Variants in ORC1 observed in about 807,000 individuals in gnomAD.
ORC1 encodes the protein origin recognition complex, subunit 1 homolog.
In ORC1, 61 loss-of-function variants were observed where a neutral mutation model predicts 98.9. The ratio of observed to expected loss-of-function variants is 0.62; its 90% CI spans 0.50 to 0.76. The LOEUF (loss-of-function observed/expected upper bound fraction) is 0.76. ORC1 is among the 30% of genes least tolerant of loss of function. The pLI is 0.00. For synonymous variants in ORC1, 385 were observed against 406.9 expected (o/e 0.95, Z 0.65); for missense variants, 979 against 1,072.2 (o/e 0.91, Z 1.21).
In ORC1 at chr1:52,401,435, T is replaced by C. The variant is rs1432986158; in HGVS notation, c.150A>G (p.Gly50=). Residue 50 remains glycine, a synonymous_variant, in exon 3 of 17, where the codon GGA becomes GGG. Coordinates refer to ENST00000371568, the MANE Select transcript of ORC1 (RefSeq NM_004153.4). ...GCSTEIHIQI[G]QFVLIEGDDD... ...CATCCCCTTCAATCAACACAAACTG[T>C]CCAATCTGGATGTGAATCTCGGTGG... 1.9e-6 allele frequency: 3 copies of C among 1,614,002 alleles called. No individual in the cohort carries two copies. In the East Asian group the frequency reaches 6.7e-5, roughly 36 times the overall value.
intron 11 of ORC1, 28 bp from the exon 12 acceptor site, chr1:52,383,965 G>T: frequency 6.4e-7 from 1 of 1,554,500 alleles, no homozygotes; most frequent in Non-Finnish European, 8.9e-7. Flanking sequence ...CAGTTGTGAG[G>T]AACTGTAAGG....
rs758959309 is a variant in ORC1 at position 52,396,161 on chromosome 1, C to A, written c.606G>T (p.Trp202Cys). 6.2e-7 allele frequency: 1 copy of A among 1,614,116 alleles called. No individual in the cohort carries two copies. Among genetic ancestry groups the A allele is most frequent in the East Asian group, 2.2e-5 (1 of 44,886 alleles). ...TTTTGGCCACATGTTCTGCTGGGGT[C>A]CAAGAAGGGCTCTCTGCACTCTTAC... The part of the protein sequence containing the change: ...AKSKSAESPS[W>C]TPAEHVAKRI... The change falls in exon 5 of 17, where the codon TGG becomes TGT. Residue 202 changes from tryptophan (W) to cysteine (C), a missense_variant. Transcript: ENST00000371568.
At chr1:52,392,529 C>T (rs184183525) in intron 6 of ORC1, among the ~76,000 whole-genome samples, 1 of 152,162 alleles carries the variant, frequency 6.6e-6, no homozygotes, top group Admixed American at 6.5e-5. Flanking sequence ...GTAGATCCAC[C>T]ATTTGATTCA....
Position 52,393,432 on chromosome 1 carries a change from T to G in ORC1, c.1082+11A>C. 6.2e-7 allele frequency: 1 copy of G among 1,614,134 alleles called. No homozygotes were observed. Among genetic ancestry groups the G allele is most frequent in the African/African-American group, 1.3e-5 (1 of 75,056 alleles). On this transcript the variant is annotated intron_variant, in intron 6 of 16. Coordinates refer to ENST00000371568, the MANE Select transcript of ORC1 (RefSeq NM_004153.4). ...ATTTCAATTTGCTCTGTGGGTAATGTCCCTGGTCACCTCTTTTTGATGTTT... is the reference window on the plus strand; with the variant it reads ...ATTTCAATTTGCTCTGTGGGTAATGGCCCTGGTCACCTCTTTTTGATGTTT...
chr1:52,397,679 A>G lies in ORC1; in HGVS notation c.402+6T>C. 2.5e-6 allele frequency: 4 copies of G among 1,613,956 alleles called. No homozygotes were observed. Among genetic ancestry groups the G allele is most frequent in the Admixed American group, 1.7e-5 (1 of 60,020 alleles). On this transcript the variant is annotated splice_donor_region_variant and intron_variant, in intron 4 of 16. Coordinates refer to ENST00000371568, the MANE Select transcript of ORC1 (RefSeq NM_004153.4). ...AGGTAGAACCAAGGATGGTGGCATCACCTACCCGAACAAGGCCAATGATGG... is the reference window on the plus strand; with the variant it reads ...AGGTAGAACCAAGGATGGTGGCATCGCCTACCCGAACAAGGCCAATGATGG...
At chr1:52,378,858 C>T (rs1647027282) in intron 14 of ORC1, among the ~76,000 whole-genome samples, 1 of 151,426 alleles carries the variant, frequency 6.6e-6, no homozygotes, top group African/African-American at 2.4e-5. Context: ...ACAGTGAAAC[C>T]CCGTATCTAC....
chr1:52,392,653 C>A (rs1647244997), intron 6 of ORC1, among the ~76,000 whole-genome samples: 1 of 152,096 alleles, frequency 6.6e-6, no homozygotes, highest in Non-Finnish European at 1.5e-5. Flanking sequence ...AAATATGGAA[C>A]CAGCCTAAAT....
At chr1:52,396,859 A>G (rs1557583690) in intron 4 of ORC1, among the ~76,000 whole-genome samples, 2 of 152,126 alleles carry the variant, frequency 1.3e-5, no homozygotes, top group African/African-American at 2.4e-5. Flanking sequence ...GCAAGACCAA[A>G]TTACTTAAAC....
chr1:52,399,074 G>A (rs188372251), intron 3 of ORC1, among the ~76,000 whole-genome samples: 8 of 152,250 alleles, frequency 5.3e-5, no homozygotes, highest in Non-Finnish European at 7.4e-5. Flanking sequence ...GCTATCAGCC[G>A]GCAAAGGAAT....
chr1:52,375,544 G>T lies in ORC1; in HGVS notation c.2189C>A (p.Thr730Lys). ...CTGCTGGGAGAACTCACAGATCTCT[G>T]TGGCACGCCTGCAGATGTCCAGGCA... ...RRCLDICRRA[T>K]EICEFSQQKP... is the part of the protein sequence containing the mutation. The change falls in exon 15 of 17, where the codon ACA (threonine) becomes AAA (lysine). Residue 730 changes from threonine (T) to lysine (K), a missense_variant. Physicochemically the swap from Thr to Lys is moderately conservative, Grantham distance 78 (BLOSUM62 -1). Coordinates refer to ENST00000371568, the MANE Select transcript of ORC1 (RefSeq NM_004153.4). 6.2e-7 allele frequency: 1 copy of T among 1,614,146 alleles called. No individual in the cohort carries two copies. The highest frequency in any genetic ancestry group is 8.5e-7 in the Non-Finnish European group (1 of 1,180,026).
At chr1:52,406,927 T>C (rs1648012632), upstream of ORC1, among the ~76,000 whole-genome samples, 1 of 152,228 alleles carries the variant, frequency 6.6e-6, no homozygotes, top group Admixed American at 6.5e-5. Context: ...AGTATTCTGC[T>C]TCTCGTACAA....
At chr1:52,388,039 T>C (rs949428937) in intron 8 of ORC1, among the ~76,000 whole-genome samples, 2 of 152,166 alleles carry the variant, frequency 1.3e-5, no homozygotes, top group Non-Finnish European at 2.9e-5. Context: ...TTGTTACCAA[T>C]ATGTAAGTAG....
chr1:52,408,934 G>T, upstream of ORC1: 1 of 367,676 alleles, frequency 2.7e-6, no homozygotes, highest in Non-Finnish European at 5.0e-6. Flanking sequence ...GTTAATCCCT[G>T]CCTTGCATCA....
intron 5 of ORC1, among the ~76,000 whole-genome samples, chr1:52,395,190 G>GT: frequency 6.6e-6 from 1 of 152,258 alleles, no homozygotes; most frequent in South Asian, 2.1e-4. Context: ...CAGATACATT[G>GT]TAAGGGGAAA....
intron 3 of ORC1, among the ~76,000 whole-genome samples, chr1:52,401,135 A>G (rs1042596023): frequency 6.6e-6 from 1 of 151,664 alleles, no homozygotes; most frequent in African/African-American, 2.4e-5. Flanking sequence ...TTACTCCCCA[A>G]AATAATGAAA....
At chr1:52,390,534 C>T (rs1281176479) in intron 6 of ORC1, among the ~76,000 whole-genome samples, 5 of 152,180 alleles carry the variant, frequency 3.3e-5, no homozygotes, top group Non-Finnish European at 7.4e-5. Context: ...TGGTGGCTCA[C>T]GCCTGTAATC....
chr1:52,403,158 C>G (rs1647812556), intron 1 of ORC1, among the ~76,000 whole-genome samples: 1 of 152,212 alleles, frequency 6.6e-6, no homozygotes, highest in South Asian at 2.1e-4. Flanking sequence ...CCTCAATTTG[C>G]TTACCCACAA....
At chr1:52,378,003 T>C (rs552389732) in intron 14 of ORC1, among the ~76,000 whole-genome samples, 1 of 152,200 alleles carries the variant, frequency 6.6e-6, no homozygotes, top group East Asian at 1.9e-4. Context: ...GGCAAGAGAT[T>C]TGAGGAAGAG....
At position 52,393,506 on chromosome 1, in the gene ORC1, C is replaced by A; in HGVS notation, c.1019G>T (p.Ser340Ile). 4 of 1,614,094 alleles carry A rather than the reference C, an allele frequency of 2.5e-6. No individual in the cohort carries two copies. Among genetic ancestry groups the A allele is most frequent in the East Asian group, 2.2e-5 (1 of 44,888 alleles). Residue 340 changes from serine to isoleucine, a missense_variant, in exon 6 of 17, where the codon AGT becomes ATT. Coordinates refer to ENST00000371568, the MANE Select transcript of ORC1 (RefSeq NM_004153.4). The stretch of plus-strand genomic sequence containing the variant: ...CACCACTGAAGATCTCTGTCCCCCA[C>A]TGATAGGGGTAAGTGTTCTCTCCTC... ...IREERTLTPI[S>I]GGQRSSVVPS...
Sources: allele counts gnomAD v4.1 joint callset (sites outside exome capture counted in the v4.1 genomes callset), GRCh38; gene constraint gnomAD v4.1.1; transcripts MANE v1.5; gene names NCBI Gene and HGNC (gene_info 2026-07-23, HGNC 2026-07-21).